The following BDNF variants were observed in gnomAD, a reference collection of about 807,000 sequenced individuals.
BDNF encodes brain derived neurotrophic factor, also known as neurotrophic factor BDNF precursor form.
BDNF carries 1 observed loss-of-function variant against 19.5 expected under a neutral mutation model. The ratio of observed to expected loss-of-function variants is 0.05; its 90% confidence interval spans 0.02 to 0.24. The LOEUF (loss-of-function observed/expected upper bound fraction) is 0.24, where lower values mean the gene tolerates loss of function less well. Ranked by LOEUF, BDNF falls within the 10% of genes least tolerant of loss-of-function variation. The pLI is 1.00. For missense variants in BDNF, 195 were observed against 317.6 expected (o/e 0.61, Z 2.93); for synonymous variants, 100 against 121.6 (o/e 0.82, Z 1.17).
At chr11:27,720,557 C>T (rs1044246399) in intron 1 of BDNF, 1 of 985,820 alleles carries the variant, frequency 1.0e-6, no homozygotes, top group Non-Finnish European at 1.2e-6. Context: ...TCTCTCCAGC[C>T]CCGATCTCAG....
At chr11:27,721,303 T>C in intron 1 of BDNF, 1 of 1,271,016 alleles carries the variant, frequency 7.9e-7, no homozygotes, top group South Asian at 1.2e-5. Context: ...CTGGCCTGAG[T>C]AGCTGCTGTT....
At chr11:27,682,140 A>G (rs984233491) in intron 1 of BDNF, among the ~76,000 whole-genome samples, 1 of 152,158 alleles carries the variant, frequency 6.6e-6, no homozygotes, top group African/African-American at 2.4e-5. Flanking sequence ...GAAATAAACG[A>G]TAAGTCTCTC....
At chr11:27,696,950 T>C (rs1001517193) in intron 1 of BDNF, among the ~76,000 whole-genome samples, 7 of 152,210 alleles carry the variant, frequency 4.6e-5, no homozygotes, top group African/African-American at 1.7e-4. Context: ...CTGAAATTGT[T>C]CTTCTGTACT....
upstream of BDNF, chr11:27,701,178 T>A: frequency 8.4e-7 from 1 of 1,193,046 alleles, no homozygotes; most frequent in Non-Finnish European, 1.1e-6. Context: ...CAGATAACGT[T>A]ACACCAAGTT....
exon 1 of BDNF, chr11:27,721,636 G>C: frequency 1.6e-6 from 1 of 607,926 alleles, no homozygotes; most frequent in East Asian, 2.8e-5. Flanking sequence ...AAAGCAACTG[G>C]CATCGATGTC....
At position 27,700,237 on chromosome 11, in the gene BDNF, C is replaced by T. The variant is rs1859746503; in HGVS notation, c.-95G>A. On this transcript the variant is annotated 5_prime_UTR_variant, in exon 1 of 2. Coordinates refer to ENST00000356660, the MANE Select transcript of BDNF (RefSeq NM_001709.5). ...GTGGTTCCGATTCTGGCTCCAGCGC[C>T]CAGCCCCGGTCCCCGTCGCGGTGCT... 1 of 985,612 alleles carries T rather than the reference C, an allele frequency of 1.0e-6. No individual in the cohort carries two copies. Among genetic ancestry groups the T allele is most frequent in the Non-Finnish European group, 1.2e-6 (1 of 830,150 alleles). The allele number at this position is 985,612 out of a possible 1,614,324, so 61.1% of individuals were successfully genotyped here.
intron 1 of BDNF, among the ~76,000 whole-genome samples, chr11:27,670,782 A>G (rs557501370): frequency 9.5e-4 from 144 of 152,342 alleles, no homozygotes; most frequent in Non-Finnish European, 1.3e-3. Context: ...GATGTAGAGA[A>G]ATAGGAACAC....
In BDNF at chr11:27,655,313, C is replaced by T. The variant is rs1474739017; in HGVS notation, c.*2508G>A. 2 of 152,574 alleles carry T rather than the reference C, an allele frequency of 1.3e-5. No homozygotes were observed. Among genetic ancestry groups the T allele is most frequent in the South Asian group, 4.1e-4 (2 of 4,830 alleles). 9.5% of individuals were successfully genotyped at this position (152,574 alleles called of 1,614,324 possible). ...AAATAAATCTTAGGTCAACATAAAC[C>T]ATCAAGCATGTGACTGTGATGTATC... On this transcript the variant is annotated 3_prime_UTR_variant, in exon 2 of 2. Coordinates refer to ENST00000356660, the MANE Select transcript of BDNF (RefSeq NM_001709.5).
At chr11:27,712,717 G>A (rs1421735134) in intron 1 of BDNF, among the ~76,000 whole-genome samples, 1 of 151,556 alleles carries the variant, frequency 6.6e-6, no homozygotes, top group Non-Finnish European at 1.5e-5. Context: ...GTTTTGCCAT[G>A]TTGGCCAGGC....
rs1852611207 is a variant in BDNF, at chr11:27,656,804, T to G, written c.*1017A>C. Reference sequence around the variant, plus strand: ...ATTTTGGGGTTATTTTTTGTTGTTTTCTGTTCTAAAAAAAAATCACTGTTC... The same window carrying G: ...ATTTTGGGGTTATTTTTTGTTGTTTGCTGTTCTAAAAAAAAATCACTGTTC... On this transcript the variant is annotated 3_prime_UTR_variant, in exon 2 of 2. Coordinates refer to ENST00000356660, the MANE Select transcript of BDNF (RefSeq NM_001709.5). The G allele has an allele frequency of 1.0e-6, 1 of 985,316 alleles. No homozygotes were observed. Among genetic ancestry groups the G allele is most frequent in the Non-Finnish European group, 1.2e-6 (1 of 829,946 alleles). The allele number at this position is 985,316 out of a possible 1,614,324, so 61.0% of individuals were successfully genotyped here.
At chr11:27,690,808 T>A (rs902286870) in intron 1 of BDNF, among the ~76,000 whole-genome samples, 42 of 152,092 alleles carry the variant, frequency 2.8e-4, no homozygotes, top group Non-Finnish European at 4.0e-4. Context: ...ACAATTTAAG[T>A]TTTTTTAGGG....
intron 1 of BDNF, among the ~76,000 whole-genome samples, chr11:27,676,309 T>C (rs1030926907): frequency 6.6e-6 from 1 of 152,196 alleles, no homozygotes; most frequent in Admixed American, 6.5e-5. Context: ...CTTTCCCCTA[T>C]ACAGTGGCCC....
intron 1 of BDNF, among the ~76,000 whole-genome samples, chr11:27,709,118 C>T (rs1424069627): frequency 6.6e-6 from 1 of 152,118 alleles, no homozygotes; most frequent in Admixed American, 6.6e-5. Flanking sequence ...CATGAGCCAC[C>T]GCGCCTGGCT....
At chr11:27,696,687 G>A (rs1372492374) in intron 1 of BDNF, among the ~76,000 whole-genome samples, 1 of 152,188 alleles carries the variant, frequency 6.6e-6, no homozygotes, top group Non-Finnish European at 1.5e-5. Context: ...TATAACAATT[G>A]TTTGAAAACA....
chr11:27,666,666 A>G (rs1459882033), intron 1 of BDNF, among the ~76,000 whole-genome samples: 1 of 151,330 alleles, frequency 6.6e-6, no homozygotes, highest in Non-Finnish European at 1.5e-5. Flanking sequence ...CAAGTGGAAG[A>G]AAGGGATTGA....
At chr11:27,688,567 C>T (rs748300217) in intron 1 of BDNF, among the ~76,000 whole-genome samples, 9 of 152,210 alleles carry the variant, frequency 5.9e-5, no homozygotes, top group Non-Finnish European at 1.2e-4. Flanking sequence ...TCCTGGTCTG[C>T]CGGCTGCAAA....
chr11:27,675,052 G>C (rs1402722468), intron 1 of BDNF: 1 of 350,998 alleles, frequency 2.8e-6, no homozygotes, highest in Middle Eastern at 1.4e-3. Context: ...ATGTGGTGGA[G>C]AGGGAATATG....
At chr11:27,683,424 G>A (rs1857095788) in intron 1 of BDNF, among the ~76,000 whole-genome samples, 1 of 152,040 alleles carries the variant, frequency 6.6e-6, no homozygotes, top group Non-Finnish European at 1.5e-5. Flanking sequence ...GATCCCATTT[G>A]TCAATTTTGG....
intron 1 of BDNF, among the ~76,000 whole-genome samples, chr11:27,708,776 C>T (rs757870786): frequency 7.4e-5 from 11 of 149,150 alleles, no homozygotes; most frequent in East Asian, 2.0e-4. Context: ...CATTTTCTAA[C>T]GTTTTAAGAG....
Sources: gnomAD v4.1 joint callset for allele counts (sites outside exome capture counted in the v4.1 genomes callset) on GRCh38, gnomAD v4.1.1 for gene constraint, MANE v1.5 for transcripts, NCBI Gene and HGNC (gene_info 2026-07-23, HGNC 2026-07-21) for gene names.